The following GRIP1 variants were observed in gnomAD, a reference collection of about 807,000 sequenced individuals.
The protein encoded by GRIP1 is glutamate receptor-interacting protein 1.
A neutral mutation model predicts 129.9 loss-of-function variants in GRIP1; 45 were observed. The ratio of observed to expected loss-of-function variants is 0.35; its 90% confidence interval spans 0.27 to 0.44. GRIP1 has a LOEUF of 0.44. Among genes scored for constraint, GRIP1 ranks in the 20% least tolerant of loss-of-function variants. GRIP1 has a pLI of 1.00. For synonymous variants in GRIP1, 530 were observed against 520.8 expected (o/e 1.02, Z -0.24); for missense variants, 1,196 against 1,396.8 (o/e 0.86, Z 2.29).
intron 2 of GRIP1, among the ~76,000 whole-genome samples, chr12:66,565,778 GT>G (rs1172592105): frequency 6.6e-6 from 1 of 152,128 alleles, no homozygotes; most frequent in East Asian, 1.9e-4. Context: ...TTTTCCATTT[GT>G]TTGTGTCCTC....
At chr12:66,535,225 G>A (rs2061571977) in intron 4 of GRIP1, among the ~76,000 whole-genome samples, 1 of 152,100 alleles carries the variant, frequency 6.6e-6, no homozygotes, top group Admixed American at 6.6e-5. Context: ...AAGGGGTTGT[G>A]TTTTATTGAT....
intron 13 of GRIP1, among the ~76,000 whole-genome samples, chr12:66,437,119 A>G (rs878925523): frequency 6.6e-6 from 1 of 152,210 alleles, no homozygotes; most frequent in African/African-American, 2.4e-5. Context: ...GGGAATTAAT[A>G]TCTGGTTGTA....
intron 1 of GRIP1, among the ~76,000 whole-genome samples, chr12:66,938,916 C>T (rs559680480): frequency 1.6e-3 from 247 of 152,030 alleles, no homozygotes; most frequent in African/African-American, 5.7e-3. Context: ...GAGATGGTGC[C>T]ATTGCACTCC....
chr12:66,837,241 G>A (rs1032694279), intron 1 of GRIP1, among the ~76,000 whole-genome samples: 17 of 152,200 alleles, frequency 1.1e-4, no homozygotes, highest in Admixed American at 9.8e-4. Flanking sequence ...ATAAGACACT[G>A]TTCTAATCTT....
At chr12:66,732,140 T>G (rs1330271947) in intron 1 of GRIP1, among the ~76,000 whole-genome samples, 1 of 152,144 alleles carries the variant, frequency 6.6e-6, no homozygotes, top group Non-Finnish European at 1.5e-5. Context: ...CCTGCTCCTC[T>G]TGCCTCCCCT....
intron 1 of GRIP1, among the ~76,000 whole-genome samples, chr12:66,999,928 T>C (rs569593116): frequency 1.3e-5 from 2 of 152,284 alleles, no homozygotes; most frequent in South Asian, 4.1e-4. Flanking sequence ...TCTCACGCTG[T>C]TCTCCTTTCA....
chr12:66,760,045 G>A (rs2037423839), intron 1 of GRIP1, among the ~76,000 whole-genome samples: 1 of 152,108 alleles, frequency 6.6e-6, no homozygotes, highest in South Asian at 2.1e-4. Flanking sequence ...TAGTAGAGAT[G>A]GGGTTTCACT....
At chr12:66,374,527 T>G (rs912913606) in intron 22 of GRIP1, among the ~76,000 whole-genome samples, 1 of 152,192 alleles carries the variant, frequency 6.6e-6, no homozygotes, top group Non-Finnish European at 1.5e-5. Context: ...CAGCACTCAT[T>G]GGTTGTTTTC....
intron 1 of GRIP1, among the ~76,000 whole-genome samples, chr12:66,932,221 G>T (rs2041408161): frequency 6.6e-6 from 1 of 152,138 alleles, no homozygotes; most frequent in Non-Finnish European, 1.5e-5. Flanking sequence ...ATGTATCTCA[G>T]TTATGAGCTA....
intron 1 of GRIP1, among the ~76,000 whole-genome samples, chr12:66,835,438 T>C (rs1171755469): frequency 1.3e-5 from 2 of 152,228 alleles, no homozygotes; most frequent in East Asian, 3.8e-4. Context: ...GGAATGTTTA[T>C]ATCATTGTTT....
chr12:66,488,379 G>A (rs2060013013), intron 7 of GRIP1, among the ~76,000 whole-genome samples: 1 of 152,138 alleles, frequency 6.6e-6, no homozygotes, highest in African/African-American at 2.4e-5. Flanking sequence ...TGACCCTTGG[G>A]TATATAATGA....
chr12:66,654,518 G>C (rs75015853), intron 1 of GRIP1, among the ~76,000 whole-genome samples: 10,315 of 152,292 alleles, frequency 0.068, 461 homozygotes, highest in Non-Finnish European at 0.096. Context: ...AAGAAAAGAG[G>C]AGTTAGGAGT....
Position 66,519,230 on chromosome 12 carries a change from T to A in GRIP1, c.503-1254A>T, listed in dbSNP as rs139335578. On this transcript the variant is annotated intron_variant, in intron 5 of 24. Coordinates refer to ENST00000359742, the MANE Select transcript of GRIP1 (RefSeq NM_001366722.1). Reference sequence around the variant, plus strand: ...ACGACAAGTGATTTGTTTAGTGTGATTGATTGGTAAAAGCTCTCATTCAGT... The same window carrying A: ...ACGACAAGTGATTTGTTTAGTGTGAATGATTGGTAAAAGCTCTCATTCAGT... 1.5e-4 allele frequency among the ~76,000 whole-genome samples: 23 copies of A among 152,340 alleles called. No individual in the cohort carries two copies. The East Asian group carries it at 4.0e-3, about 27-fold the overall frequency.
At chr12:66,815,856 C>CTTTCTTTCTTTCTTTCTTTCTT (rs11458006) in intron 1 of GRIP1, among the ~76,000 whole-genome samples, 23 of 134,190 alleles carry the variant, frequency 1.7e-4, no homozygotes, top group African/African-American at 5.9e-4. Context: ...TTCTTTCTTT[C>CTTTCTTTCTTTCTTTCTTTCTT]TCTCTCTCTC....
At chr12:66,651,831 A>AT (rs969970599) in intron 1 of GRIP1, among the ~76,000 whole-genome samples, 13 of 151,540 alleles carry the variant, frequency 8.6e-5, no homozygotes, top group South Asian at 6.3e-4. Context: ...ACTTCTAAAT[A>AT]TTTTTTTTTA....
chr12:67,020,326 A>G (rs2042846924), intron 1 of GRIP1, among the ~76,000 whole-genome samples: 1 of 152,200 alleles, frequency 6.6e-6, no homozygotes, highest in African/African-American at 2.4e-5. Context: ...TTAATGTCTA[A>G]AAACATTTAA....
At chr12:66,486,592 C>T (rs930620888) in intron 7 of GRIP1, among the ~76,000 whole-genome samples, 7 of 152,092 alleles carry the variant, frequency 4.6e-5, no homozygotes, top group African/African-American at 1.7e-4. Flanking sequence ...TCCTCATTCT[C>T]TCTTTGCCTG....
rs533600409 is a variant in GRIP1, at chr12:66,483,214, T to C, written c.725-17792A>G. On this transcript the variant is annotated intron_variant, in intron 7 of 24. Transcript: ENST00000359742. ...TTTGGGAGCCTTTCAACTTGCTCGT[T>C]AGTTAACAGTATTTTTATTAATAGT... is the stretch of plus-strand genomic sequence containing the variant. 8.5e-5 allele frequency among the ~76,000 whole-genome samples: 13 copies of C among 152,342 alleles called. No individual in the cohort carries two copies. In the South Asian group the frequency reaches 2.1e-3, roughly 24 times the overall value.
At chr12:66,750,891 A>G (rs140842254) in intron 1 of GRIP1, among the ~76,000 whole-genome samples, 22 of 152,372 alleles carry the variant, frequency 1.4e-4, no homozygotes, top group African/African-American at 5.3e-4. Flanking sequence ...ACATGTGATC[A>G]TTAAAACAGC....
Sources: allele counts gnomAD v4.1 joint callset (sites outside exome capture counted in the v4.1 genomes callset), GRCh38; gene constraint gnomAD v4.1.1; transcripts MANE v1.5; gene names NCBI Gene and HGNC (gene_info 2026-07-23, HGNC 2026-07-21).